AP3D1: variants seen among roughly 807,000 people sequenced by gnomAD.
The protein encoded by AP3D1 is AP-3 complex subunit delta-1.
In AP3D1, 51 loss-of-function variants were observed where a neutral mutation model predicts 147.6. That is an observed-to-expected ratio of 0.35 (90% CI 0.28 to 0.44). The LOEUF is 0.44. Among genes scored for constraint, AP3D1 ranks in the 20% least tolerant of loss-of-function variants. The pLI, the probability that AP3D1 is intolerant of heterozygous loss-of-function variation, is 1.00. For missense variants in AP3D1, 1,421 were observed against 1,624.2 expected, an observed-to-expected ratio of 0.87 and a Z score of 2.15; for synonymous variants, 760 against 663.0, an observed-to-expected ratio of 1.15 and a Z score of -2.25.
At chr19:2,114,898 T>C in intron 20 of AP3D1, 77 bp from the exon 21 acceptor site, 1 of 1,498,870 alleles carries the variant, frequency 6.7e-7, no homozygotes, top group African/African-American at 1.4e-5. Context: ...TGGGACGCAG[T>C]GGGACTGCCC....
chr19:2,156,076 A>G (rs1373962463), upstream of AP3D1, among the ~76,000 whole-genome samples: 1 of 151,954 alleles, frequency 6.6e-6, no homozygotes, highest in Non-Finnish European at 1.5e-5. Flanking sequence ...AAGAAAAAAG[A>G]AAAAGGAAGA....
intron 28 of AP3D1, 25 bp downstream of exon 28, chr19:2,110,111 C>T (rs1255462900): frequency 1.2e-6 from 2 of 1,609,246 alleles, no homozygotes; most frequent in Admixed American, 1.7e-5. Context: ...GTCGGCTCTT[C>T]AACGCCAAGT....
At position 2,121,040 on chromosome 19, in the gene AP3D1, G is replaced by A; in HGVS notation, c.1303C>T (p.His435Tyr). 6.2e-7 allele frequency: 1 copy of A among 1,612,926 alleles called. No homozygotes were observed. ...TCCAGCATTTGGGCGGCGATGAGGT[G>A]GCCGTGCCGTGTGCCCTCCAGCCGG... is the stretch of plus-strand genomic sequence containing the variant. ...LTRLEGTRHGHLIAAQMLDVA... is the reference protein window; with the variant it reads ...LTRLEGTRHGYLIAAQMLDVA... Residue 435 changes from histidine to tyrosine, a missense_variant, in exon 14 of 32, where the codon CAC (histidine) becomes TAC (tyrosine). His to Tyr is a moderately conservative substitution (Grantham distance 83, BLOSUM62 2). This residue lies in a region of AP3D1 where 310 missense variants were observed against 388.1 expected (regional missense o/e 0.80). Coordinates refer to ENST00000643116, the MANE Select transcript of AP3D1 (RefSeq NM_001261826.3).
Position 2,122,012 on chromosome 19 carries a change from G to T in AP3D1, c.956-133C>A, listed in dbSNP as rs2018625744. On this transcript the variant is annotated intron_variant, in intron 11 of 31. Transcript: ENST00000643116. ...CCTTGGCAACCTGGGGGTGGACAGA[G>T]CAAGTATCCCAGCTGGAGCTCACCA... The T allele has an allele frequency of 5.8e-6, 6 of 1,033,236 alleles. No homozygotes were observed. The East Asian group carries it at 1.1e-4, about 19-fold the overall frequency. 64.0% of individuals were successfully genotyped at this position (1,033,236 alleles called of 1,614,324 possible).
intron 29 of AP3D1, 165 bp downstream of exon 29, chr19:2,109,708 G>C (rs1053852045): frequency 9.3e-5 from 62 of 664,630 alleles, no homozygotes; most frequent in Non-Finnish European, 1.1e-4. Context: ...GCCCCGGCTG[G>C]CGCAGACACC....
intron 4 of AP3D1, 121 bp from the exon 5 acceptor site, chr19:2,132,699 C>A: frequency 1.3e-6 from 1 of 740,928 alleles, no homozygotes; most frequent in East Asian, 2.7e-5. Context: ...GGCATATCCT[C>A]TTGGGGTGCA....
chr19:2,150,633 C>T (rs1001889753), intron 1 of AP3D1, among the ~76,000 whole-genome samples: 3 of 152,186 alleles, frequency 2.0e-5, no homozygotes, highest in Admixed American at 6.5e-5. Context: ...AGGCAACGCC[C>T]CAAGACCCTG....
chr19:2,110,457 T>C (rs2018239530), intron 27 of AP3D1, among the ~76,000 whole-genome samples: 1 of 152,092 alleles, frequency 6.6e-6, no homozygotes, highest in South Asian at 2.1e-4. Flanking sequence ...ACTGGAACCG[T>C]GGAACCCAAG....
chr19:2,115,077 C>CCTCT, intron 20 of AP3D1, 142 bp downstream of exon 20: 1 of 915,268 alleles, frequency 1.1e-6, no homozygotes, highest in Non-Finnish European at 1.6e-6. Context: ...GACAGAGAGG[C>CCTCT]CTCTCCTCCT....
At chr19:2,137,214 C>T (rs193280101) in intron 3 of AP3D1, 123 bp from the exon 4 acceptor site, 15 of 801,836 alleles carry the variant, frequency 1.9e-5, no homozygotes, top group East Asian at 8.1e-5. Flanking sequence ...GCAGCCTGGA[C>T]GCTGGGGCCA....
At position 2,123,948 on chromosome 19, in the gene AP3D1, C is replaced by A. The variant is rs1013717733; in HGVS notation, c.857-69G>T. 9 of 1,512,054 alleles carry A rather than the reference C, an allele frequency of 6.0e-6. No individual in the cohort carries two copies. The South Asian group carries it at 6.0e-5, about 10-fold the overall frequency. 93.7% of individuals were successfully genotyped at this position (1,512,054 alleles called of 1,614,324 possible). On this transcript the variant is annotated intron_variant, in intron 9 of 31. Coordinates refer to ENST00000643116, the MANE Select transcript of AP3D1 (RefSeq NM_001261826.3). ...CAGCGCCGACACCAACTCAGGGCCA[C>A]GGGGCACCAGCACCCCCTCGCCGGG... is the stretch of plus-strand genomic sequence containing the variant.
rs900991055 is a variant in AP3D1, at chr19:2,114,445, C to G, written c.2424-143G>C. The G allele has an allele frequency of 2.0e-5, 15 of 733,032 alleles. No homozygotes were observed. In the South Asian group the frequency reaches 2.8e-4, roughly 14 times the overall value. 45.4% of individuals were successfully genotyped at this position (733,032 alleles called of 1,614,324 possible). On this transcript the variant is annotated intron_variant, in intron 21 of 31. Transcript: ENST00000643116. ...CCAGCCATGGCCCAACATAGATCTA[C>G]TCAACACAGCCTGCTGGAGGCTCTC... is the stretch of plus-strand genomic sequence containing the variant.
intron 31 of AP3D1, among the ~76,000 whole-genome samples, chr19:2,106,971 C>A (rs1432109446): frequency 6.6e-6 from 1 of 152,032 alleles, no homozygotes; most frequent in Non-Finnish European, 1.5e-5. Context: ...ATGAAAAGAA[C>A]AGCAATGACA....
intron 29 of AP3D1, 130 bp from the exon 30 acceptor site, chr19:2,109,337 T>C (rs957982722): frequency 2.4e-6 from 3 of 1,261,712 alleles, no homozygotes; most frequent in Non-Finnish European, 3.2e-6. Flanking sequence ...CGGGAGGTCT[T>C]GGGGGTCCTG....
At chr19:2,118,976 G>A in intron 14 of AP3D1, 144 bp from the exon 15 acceptor site, 1 of 723,058 alleles carries the variant, frequency 1.4e-6, no homozygotes, top group Non-Finnish European at 2.3e-6. Context: ...CAGGGGCTGA[G>A]ACACGAAGTA....
At chr19:2,110,256 A>G in intron 27 of AP3D1, 32 bp from the exon 28 acceptor site, 3 of 1,585,368 alleles carry the variant, frequency 1.9e-6, no homozygotes, top group Non-Finnish European at 2.6e-6. Flanking sequence ...GGGGCCTGAG[A>G]CGCTGCGGGG....
chr19:2,106,043 A>C (rs910401178), intron 31 of AP3D1, among the ~76,000 whole-genome samples: 1 of 151,896 alleles, frequency 6.6e-6, no homozygotes, highest in African/African-American at 2.4e-5. Context: ...CAGTGAGCTG[A>C]GATCGCACCA....
intron 31 of AP3D1, among the ~76,000 whole-genome samples, chr19:2,103,376 C>T (rs2018013720): frequency 6.6e-6 from 1 of 152,160 alleles, no homozygotes; most frequent in Non-Finnish European, 1.5e-5. Context: ...ATCCGAAGAG[C>T]TCCTGAGCTA....
chr19:2,115,332 T>C lies in AP3D1; in HGVS notation c.2236A>G (p.Arg746Gly). Residue 746 changes from arginine to glycine, a missense_variant, in exon 20 of 32, where the codon AGG becomes GGG. Around this residue, in one of 6 missense-constraint regions of AP3D1, gnomAD observed 791 missense variants for 761.4 expected, o/e 1.04. Coordinates refer to ENST00000643116, the MANE Select transcript of AP3D1 (RefSeq NM_001261826.3). ...KLEKDKRRKKRKEKEKKGKRR... is the reference protein window; with the variant it reads ...KLEKDKRRKKGKEKEKKGKRR... ...TTGCCCTTCTTCTCCTTCTCCTTCC[T>C]CTTTTTCCTCCTCTTGTCCTTCTCC... The C allele has an allele frequency of 6.2e-7, 1 of 1,610,772 alleles. No individual in the cohort carries two copies. The highest frequency in any genetic ancestry group is 8.5e-7 in the Non-Finnish European group (1 of 1,179,886).
Sources: gnomAD v4.1 joint callset for allele counts (sites outside exome capture counted in the v4.1 genomes callset) on GRCh38, gnomAD v4.1.1 for gene constraint, gnomAD v4.1.1 regional missense constraint, MANE v1.5 for transcripts, NCBI Gene and HGNC (gene_info 2026-07-23, HGNC 2026-07-21) for gene names.